Variants in ZZEF1 observed in about 807,000 individuals in gnomAD.
The protein encoded by ZZEF1 is zinc finger ZZ-type and EF-hand domain containing 1.
ZZEF1 carries 157 observed loss-of-function variants against 342.8 expected under a neutral mutation model. The observed-to-expected ratio is 0.46, with a 90% CI of 0.40 to 0.52. The LOEUF is 0.52. Among genes scored for constraint, ZZEF1 ranks in the 20% least tolerant of loss-of-function variants. The pLI, the probability that ZZEF1 is intolerant of heterozygous loss-of-function variation, is 0.00. For missense variants in ZZEF1, 3,480 were observed against 3,725.6 expected, an observed-to-expected ratio of 0.93 and a Z score of 1.72; for synonymous variants, 1,505 against 1,429.1, an observed-to-expected ratio of 1.05 and a Z score of -1.20.
At chr17:4,115,317 G>A (rs913456870) in intron 3 of ZZEF1, among the ~76,000 whole-genome samples, 8 of 152,086 alleles carry the variant, frequency 5.3e-5, no homozygotes, top group African/African-American at 1.4e-4. Context: ...ATCAACCACC[G>A]TGCCTGGCCA....
intron 1 of ZZEF1, among the ~76,000 whole-genome samples, chr17:4,142,327 G>A (rs538589423): frequency 5.8e-4 from 88 of 152,232 alleles, no homozygotes; most frequent in Non-Finnish European, 8.5e-4. Flanking sequence ...AGACATATGG[G>A]CTTGTCCAGC....
At chr17:4,080,624 A>C (rs1221295419) in intron 18 of ZZEF1, among the ~76,000 whole-genome samples, 1 of 152,188 alleles carries the variant, frequency 6.6e-6, no homozygotes, top group Non-Finnish European at 1.5e-5. Context: ...TCCCGACCTC[A>C]GGTGATCCGC....
At chr17:4,067,074 T>G in intron 27 of ZZEF1, 89 bp downstream of exon 27, 2 of 1,110,520 alleles carry the variant, frequency 1.8e-6, no homozygotes, top group Non-Finnish European at 1.3e-6. Context: ...AAAGCTATAT[T>G]CTTGAGAAGA....
At chr17:4,132,535 A>G (rs1440207741) in intron 1 of ZZEF1, among the ~76,000 whole-genome samples, 3 of 150,212 alleles carry the variant, frequency 2.0e-5, no homozygotes, top group Non-Finnish European at 1.5e-5. Context: ...CGTCTCTACT[A>G]AAAATACAAA....
intron 1 of ZZEF1, among the ~76,000 whole-genome samples, chr17:4,140,465 C>CA (rs753004026): frequency 2.6e-5 from 4 of 152,220 alleles, no homozygotes; most frequent in Admixed American, 6.5e-5. Flanking sequence ...GGTTAACACT[C>CA]ACCATATCTT....
At chr17:4,114,142 T>C (rs1464859799) in intron 4 of ZZEF1, among the ~76,000 whole-genome samples, 157 bp downstream of exon 4, 1 of 152,244 alleles carries the variant, frequency 6.6e-6, no homozygotes, top group Non-Finnish European at 1.5e-5. Flanking sequence ...GGAAATTATC[T>C]GTTAGGAATA....
chr17:4,142,536 C>G lies in ZZEF1; in HGVS notation c.354+6G>C, dbSNP rs776879883. ...CCCATCCCCGCAGTCGCCTGCCGGC[C>G]CTGACCTCCTCGAACTGCTCGCTAG... is the stretch of plus-strand genomic sequence containing the variant. On this transcript the variant is annotated splice_donor_region_variant and intron_variant, in intron 1 of 54. Transcript: ENST00000381638. 9 of 1,593,224 alleles carry G rather than the reference C, an allele frequency of 5.6e-6. No individual in the cohort carries two copies. The Admixed American group carries it at 6.8e-5, about 12-fold the overall frequency.
At chr17:4,048,691 T>A (rs2056978086) in intron 37 of ZZEF1, among the ~76,000 whole-genome samples, 1 of 152,134 alleles carries the variant, frequency 6.6e-6, no homozygotes, top group South Asian at 2.1e-4. Flanking sequence ...CGATACAGTG[T>A]ACACCATGGG....
Position 4,008,767 on chromosome 17 carries a change from G to T in ZZEF1, c.8805+116C>A. On this transcript the variant is annotated intron_variant, in intron 54 of 54. Transcript: ENST00000381638. This position sits in a 1 kb window ranked among gnomAD's most constrained non-coding sequence, Gnocchi z 4.2. The stretch of plus-strand genomic sequence containing the variant: ...CTGAACTGGAACAAGCTCTGTGTAA[G>T]CTCCGGGTGGATTCTGTCCTACTCA... The T allele has an allele frequency of 6.8e-7, 1 of 1,464,340 alleles. No homozygotes were observed. Among genetic ancestry groups the T allele is most frequent in the African/African-American group, 1.4e-5 (1 of 71,332 alleles). 90.7% of individuals were successfully genotyped at this position (1,464,340 alleles called of 1,614,324 possible). A position where few individuals can be genotyped will look rare whatever the true frequency, so the allele number is the denominator to read the frequency against.
intron 34 of ZZEF1, 83 bp downstream of exon 34, chr17:4,053,974 G>A: frequency 6.8e-7 from 1 of 1,469,152 alleles, no homozygotes; most frequent in South Asian, 1.4e-5. Flanking sequence ...TTAGTACACT[G>A]AGAGTTTTTA....
chr17:4,071,792 G>A (rs1278674371), intron 25 of ZZEF1, among the ~76,000 whole-genome samples: 3 of 152,172 alleles, frequency 2.0e-5, no homozygotes, highest in African/African-American at 2.4e-5. Context: ...TGCCTCACAG[G>A]AAGATGGAAA....
At chr17:4,032,749 C>T (rs17175962) in intron 41 of ZZEF1, 79 bp downstream of exon 41, 276,416 of 1,471,944 alleles carry the variant, frequency 0.19, 26,597 homozygotes, top group Admixed American at 0.23. Context: ...CCTATATATC[C>T]GGAAGCCACA....
chr17:4,135,864 C>T (rs1182182572), intron 1 of ZZEF1, among the ~76,000 whole-genome samples: 1 of 152,106 alleles, frequency 6.6e-6, no homozygotes, highest in Non-Finnish European at 1.5e-5. Flanking sequence ...ACAAGTGCTT[C>T]TCAACTTTTA....
Position 4,017,718 on chromosome 17 carries a change from G to A in ZZEF1, c.7654C>T (p.Arg2552Cys), listed in dbSNP as rs150980949. The A allele has an allele frequency of 6.8e-5, 109 of 1,612,418 alleles. No individual in the cohort carries two copies. Among genetic ancestry groups the A allele is most frequent in the Admixed American group, 5.8e-4 (35 of 60,004 alleles). Residue 2552 changes from arginine to cysteine, a missense_variant, in exon 48 of 55, where the codon CGC becomes TGC. Transcript: ENST00000381638. The surrounding 1 kb of genome is among the most constrained non-coding windows in gnomAD (Gnocchi z 5.1). ...IILPCLSRPA[R>C]CDQATAESNP... ...GATTCAGCAGTGGCTTGGTCACAGCGTGCAGGCCGGGACTGCAAACCCAAG... is the reference window on the plus strand; with the variant it reads ...GATTCAGCAGTGGCTTGGTCACAGCATGCAGGCCGGGACTGCAAACCCAAG...
intron 13 of ZZEF1, 54 bp downstream of exon 13, chr17:4,088,624 A>C: frequency 6.3e-7 from 1 of 1,578,272 alleles, no homozygotes; most frequent in South Asian, 1.1e-5. Flanking sequence ...TTCTCTGAAT[A>C]CTGTCATTCA....
intron 29 of ZZEF1, among the ~76,000 whole-genome samples, chr17:4,064,048 AT>A (rs1597835329): frequency 6.8e-6 from 1 of 147,506 alleles, no homozygotes; most frequent in African/African-American, 2.6e-5. Context: ...TTTAAAAAAA[AT>A]TTTTTGTAGA....
At chr17:4,098,064 C>A (rs771024847) in intron 9 of ZZEF1, among the ~76,000 whole-genome samples, 1 of 151,576 alleles carries the variant, frequency 6.6e-6, no homozygotes, top group Non-Finnish European at 1.5e-5. Flanking sequence ...ATGGTGAAAA[C>A]CCCATCTTTA....
intron 21 of ZZEF1, 24 bp from the exon 22 acceptor site, chr17:4,075,453 G>A (rs566575309): frequency 9.3e-6 from 15 of 1,610,514 alleles, no homozygotes; most frequent in African/African-American, 8.0e-5. Context: ...TGAGCCAGGG[G>A]AAAGAAAGGT....
rs140066297 is a variant in ZZEF1, at chr17:4,075,383, G to A, written c.3281C>T (p.Thr1094Met). ...WQQEQPVVLHTWTKESAHNYE... is the reference protein window; with the variant it reads ...WQQEQPVVLHMWTKESAHNYE... ...GTTGTGGGCAGATTCCTTCGTCCAC[G>A]TATGTAACACCACAGGCTGTTCCTG... The change falls in exon 22 of 55, where the codon ACG becomes ATG. Residue 1094 changes from threonine (T) to methionine (M), a missense_variant. This residue lies in a region of ZZEF1 where 1,528 missense variants were observed against 1,624.1 expected (regional missense o/e 0.94). Transcript: ENST00000381638. The A allele has an allele frequency of 1.2e-4, 197 of 1,614,182 alleles. 2 individuals are homozygous for A. The South Asian group carries it at 1.5e-3, about 13-fold the overall frequency.
Sources: allele counts gnomAD v4.1 joint callset (sites outside exome capture counted in the v4.1 genomes callset), GRCh38; gene constraint gnomAD v4.1.1; regional missense constraint gnomAD v4.1.1; non-coding constraint Gnocchi (gnomAD v3.1); transcripts MANE v1.5; gene names NCBI Gene and HGNC (gene_info 2026-07-23, HGNC 2026-07-21).